The following FSTL5 variants were observed in gnomAD, a reference collection of about 807,000 sequenced individuals.
FSTL5 encodes follistatin like 5.
Under a neutral mutation model 89.1 loss-of-function variants are expected in FSTL5, and 62 were observed. That is an observed-to-expected ratio of 0.70 (90% confidence interval 0.57 to 0.86). The LOEUF is 0.86. FSTL5 is among the 40% of genes least tolerant of loss of function. FSTL5 has a pLI of 0.00. For synonymous variants in FSTL5, 383 were observed against 346.2 expected (o/e 1.11, Z -1.18); for missense variants, 1,057 against 1,001.6 (o/e 1.06, Z -0.75).
intron 4 of FSTL5, among the ~76,000 whole-genome samples, chr4:161,826,634 A>G (rs1730678326): frequency 6.6e-6 from 1 of 152,154 alleles, no homozygotes; most frequent in South Asian, 2.1e-4. Context: ...TCCTTTTATC[A>G]TTATGTAATG....
intron 2 of FSTL5, among the ~76,000 whole-genome samples, chr4:162,096,961 T>C (rs191657499): frequency 6.6e-6 from 1 of 152,056 alleles, no homozygotes; most frequent in East Asian, 1.9e-4. Context: ...TTTGTTGTTT[T>C]ATTCTTTAAG....
intron 4 of FSTL5, among the ~76,000 whole-genome samples, chr4:161,795,883 C>T (rs1579098854): frequency 6.6e-6 from 1 of 151,918 alleles, no homozygotes; most frequent in Non-Finnish European, 1.5e-5. Context: ...TGTAATGCCT[C>T]CAGCTTTGTT....
At chr4:162,104,440 T>C (rs1267747906) in intron 2 of FSTL5, among the ~76,000 whole-genome samples, 1 of 152,172 alleles carries the variant, frequency 6.6e-6, no homozygotes, top group Non-Finnish European at 1.5e-5. Flanking sequence ...CGCCACCATC[T>C]TGGGAGCTCT....
chr4:161,811,393 C>A (rs756368263), intron 4 of FSTL5, among the ~76,000 whole-genome samples: 1 of 151,970 alleles, frequency 6.6e-6, no homozygotes, highest in Non-Finnish European at 1.5e-5. Context: ...CATGTAGATG[C>A]CGAGCATTTG....
chr4:161,686,338 ATATATATATTTTTTTTTTTTTTTTTTTT>A (rs1737740043), intron 6 of FSTL5, among the ~76,000 whole-genome samples: 1 of 7,920 alleles, frequency 1.3e-4, no homozygotes, highest in African/African-American at 3.9e-4. Flanking sequence ...ATATATATAT[ATATATATATTTTTTTTTTTTTTTTTTTT>A]TTTTTTTTTT....
At chr4:162,087,468 C>A (rs1730365800) in intron 2 of FSTL5, among the ~76,000 whole-genome samples, 1 of 151,992 alleles carries the variant, frequency 6.6e-6, no homozygotes. Context: ...ATATCTCATA[C>A]TTAAAAATGA....
intron 6 of FSTL5, among the ~76,000 whole-genome samples, chr4:161,751,506 G>T (rs1411277350): frequency 6.6e-6 from 1 of 152,094 alleles, no homozygotes; most frequent in Non-Finnish European, 1.5e-5. Context: ...TTTATAATCA[G>T]CCCTGGCACA....
chr4:161,387,031 T>A, intron 15 of FSTL5: 1 of 152,208 alleles, frequency 6.6e-6, no homozygotes, highest in East Asian at 1.9e-4. Flanking sequence ...AACTTTATTT[T>A]TATATTAAAG....
intron 3 of FSTL5, among the ~76,000 whole-genome samples, chr4:161,952,227 T>A (rs140419396): frequency 1.3e-5 from 2 of 151,984 alleles, no homozygotes; most frequent in African/African-American, 2.4e-5. Context: ...CTCTTTTTGA[T>A]AGAAAAAACT....
rs140183530 is a variant in FSTL5, at chr4:161,656,351, T to A, written c.871A>T (p.Asn291Tyr). The A allele has an allele frequency of 3.3e-3, 5,227 of 1,585,272 alleles. 11 individuals carry two copies. Among genetic ancestry groups the A allele is most frequent in the Non-Finnish European group, 4.0e-3 (4,639 of 1,160,494 alleles). The part of the protein sequence containing the change: ...IWKRNNIILN[N>Y]LDLEDINDFG... ...ACATTGATGTCTTCCAAATCTAAAT[T>A]ATTTAGAATAATATTGTTCCTTTTC... The change falls in exon 7 of 16, where the codon AAT becomes TAT. Residue 291 changes from asparagine to tyrosine, a missense_variant. Around this residue, in one of 3 missense-constraint regions of FSTL5, gnomAD observed 980 missense variants for 903.2 expected, o/e 1.08. Coordinates refer to ENST00000306100, the MANE Select transcript of FSTL5 (RefSeq NM_020116.5).
intron 8 of FSTL5, among the ~76,000 whole-genome samples, chr4:161,555,902 A>G (rs1258376317): frequency 6.6e-6 from 1 of 151,600 alleles, no homozygotes; most frequent in African/African-American, 2.4e-5. Context: ...ATACCAACTG[A>G]TTAGTAGAAA....
intron 8 of FSTL5, among the ~76,000 whole-genome samples, chr4:161,579,945 T>C (rs1285608860): frequency 6.6e-6 from 1 of 152,070 alleles, no homozygotes; most frequent in African/African-American, 2.4e-5. Context: ...TAGTTTAAAC[T>C]TTTGGACTTT....
intron 1 of FSTL5, among the ~76,000 whole-genome samples, chr4:162,135,610 G>T (rs1174337637): frequency 6.6e-6 from 1 of 152,032 alleles, no homozygotes; most frequent in Non-Finnish European, 1.5e-5. Context: ...TAAGGTTAAT[G>T]AATGGCCCCT....
At chr4:161,576,986 G>C (rs1733233203) in intron 8 of FSTL5, among the ~76,000 whole-genome samples, 1 of 152,184 alleles carries the variant, frequency 6.6e-6, no homozygotes, top group Non-Finnish European at 1.5e-5. Flanking sequence ...ATTTTTATGA[G>C]AAGTTATGAT....
chr4:161,470,108 A>G (rs951322826), intron 13 of FSTL5, among the ~76,000 whole-genome samples: 2 of 152,170 alleles, frequency 1.3e-5, no homozygotes, highest in African/African-American at 4.8e-5. Context: ...AAAAATTATT[A>G]AGTCCAATTT....
chr4:162,084,247 T>C (rs1730216833), intron 2 of FSTL5, among the ~76,000 whole-genome samples: 1 of 152,032 alleles, frequency 6.6e-6, no homozygotes, highest in Non-Finnish European at 1.5e-5. Flanking sequence ...TCAACGTCTA[T>C]ACAATACTTA....
chr4:161,436,463 A>C (rs1385912436), intron 15 of FSTL5, among the ~76,000 whole-genome samples: 1 of 152,156 alleles, frequency 6.6e-6, no homozygotes, highest in African/African-American at 2.4e-5. Context: ...TTCATGTGCC[A>C]TGTTTTACTT....
At chr4:161,457,587 G>A (rs1425170982) in intron 14 of FSTL5, among the ~76,000 whole-genome samples, 4 of 151,884 alleles carry the variant, frequency 2.6e-5, no homozygotes, top group African/African-American at 4.8e-5. Context: ...AAGGGGAGAG[G>A]AAGGGATCAA....
intron 7 of FSTL5, among the ~76,000 whole-genome samples, chr4:161,638,417 C>A (rs1474350520): frequency 2.0e-5 from 3 of 152,156 alleles, no homozygotes; most frequent in Admixed American, 1.3e-4. Flanking sequence ...CAAACAGGGA[C>A]AATTTCACTT....
Sources: allele counts gnomAD v4.1 joint callset (sites outside exome capture counted in the v4.1 genomes callset), GRCh38; gene constraint gnomAD v4.1.1; regional missense constraint gnomAD v4.1.1; transcripts MANE v1.5; gene names NCBI Gene and HGNC (gene_info 2026-07-23, HGNC 2026-07-21).